Variants in SNRPN observed in about 807,000 individuals in gnomAD.
The protein encoded by SNRPN is small nuclear ribonucleoprotein-associated protein N.
In SNRPN, 7 loss-of-function variants were observed where a neutral mutation model predicts 25.2. The ratio of observed to expected loss-of-function variants is 0.28; its 90% CI spans 0.16 to 0.52. The LOEUF (loss-of-function observed/expected upper bound fraction) is 0.52, where lower values mean the gene tolerates loss of function less well. Among genes scored for constraint, SNRPN ranks in the 20% least tolerant of loss-of-function variants. SNRPN has a pLI of 0.96. For missense variants in SNRPN, 196 were observed against 322.5 expected, an observed-to-expected ratio of 0.61 and a Z score of 3.00; for synonymous variants, 124 against 110.6, an observed-to-expected ratio of 1.12 and a Z score of -0.76.
chr15:24,892,264 T>A (rs144151004), intron 2 of SNRPN, among the ~76,000 whole-genome samples: 206 of 152,276 alleles, frequency 1.4e-3, no homozygotes, highest in African/African-American at 4.8e-3. Context: ...CAGGGTGGAC[T>A]AAAGTTTAAG....
intron 2 of SNRPN, among the ~76,000 whole-genome samples, chr15:24,893,845 G>C (rs905591932): frequency 6.6e-6 from 1 of 151,714 alleles, no homozygotes; most frequent in Admixed American, 6.6e-5. Context: ...TTACGTGTCT[G>C]ACATGACAAA....
chr15:24,953,861 C>T (rs1323640143), upstream of SNRPN, among the ~76,000 whole-genome samples: 1 of 152,094 alleles, frequency 6.6e-6, no homozygotes, highest in Non-Finnish European at 1.5e-5. Flanking sequence ...GAACATTACA[C>T]AGTTTCTGAG....
intron 3 of SNRPN, among the ~76,000 whole-genome samples, chr15:24,940,265 G>A (rs2061473141): frequency 6.6e-6 from 1 of 152,098 alleles, no homozygotes; most frequent in Admixed American, 6.6e-5. Context: ...TTAGCTTTTG[G>A]TGTTGTAGTC....
Position 24,967,983 on chromosome 15 carries a change from T to C in SNRPN, c.-243T>C. 6.2e-7 allele frequency: 1 copy of C among 1,614,080 alleles called. No individual in the cohort carries two copies. The highest frequency in any genetic ancestry group is 8.5e-7 in the Non-Finnish European group (1 of 1,180,004). On this transcript the variant is annotated 5_prime_UTR_variant, in exon 3 of 10. Coordinates refer to ENST00000390687, the MANE Select transcript of SNRPN (RefSeq NM_003097.6). Reference sequence around the variant, plus strand: ...AGCAGCAGCAAGTACCTGTGGTGGATTTCCAGGCTGAACTGAGGCAGGCAT... The same window carrying C: ...AGCAGCAGCAAGTACCTGTGGTGGACTTCCAGGCTGAACTGAGGCAGGCAT...
intron 2 of SNRPN, among the ~76,000 whole-genome samples, chr15:24,841,421 G>A (rs2051696963): frequency 6.6e-6 from 1 of 152,114 alleles, no homozygotes; most frequent in Non-Finnish European, 1.5e-5. Context: ...CATAAGCATT[G>A]TGTGCAGATA....
chr15:24,959,087 G>A (rs2074357169), intron 1 of SNRPN, among the ~76,000 whole-genome samples: 1 of 152,100 alleles, frequency 6.6e-6, no homozygotes, highest in South Asian at 2.1e-4. Context: ...AATAAAATTG[G>A]GATTCCATTG....
chr15:24,944,630 A>G (rs1566938241), intron 3 of SNRPN, among the ~76,000 whole-genome samples: 1 of 152,184 alleles, frequency 6.6e-6, no homozygotes. Flanking sequence ...TCAGAAACCA[A>G]CCCCAGAACT....
intron 3 of SNRPN, among the ~76,000 whole-genome samples, chr15:24,930,112 C>T (rs2060705645): frequency 6.6e-6 from 1 of 151,192 alleles, no homozygotes; most frequent in Non-Finnish European, 1.5e-5. Context: ...CCACTGCACT[C>T]CAGCCTGGGT....
At chr15:24,902,840 G>C (rs2151587603) in intron 2 of SNRPN, among the ~76,000 whole-genome samples, 1 of 152,338 alleles carries the variant, frequency 6.6e-6, no homozygotes, top group African/African-American at 2.4e-5. Context: ...GTGAGCAGCA[G>C]CAAGATTTAT....
At chr15:24,892,897 C>T (rs892574200) in intron 2 of SNRPN, among the ~76,000 whole-genome samples, 1 of 151,636 alleles carries the variant, frequency 6.6e-6, no homozygotes, top group Admixed American at 6.6e-5. Flanking sequence ...AAGGAGAGAA[C>T]AGAGAGGACT....
At chr15:24,879,381 G>A (rs998032670) in intron 1 of SNRPN, among the ~76,000 whole-genome samples, 9 of 151,090 alleles carry the variant, frequency 6.0e-5, no homozygotes, top group Non-Finnish European at 4.4e-5. Flanking sequence ...TGGTTGCAGT[G>A]AGCCGAGATC....
At chr15:24,939,132 A>T (rs1190919000) in intron 3 of SNRPN, among the ~76,000 whole-genome samples, 1 of 151,886 alleles carries the variant, frequency 6.6e-6, no homozygotes, top group Non-Finnish European at 1.5e-5. Flanking sequence ...CTTCTGTTGC[A>T]TTTTTTTTAG....
intron 2 of SNRPN, among the ~76,000 whole-genome samples, chr15:24,835,556 C>T (rs986839744): frequency 2.0e-5 from 3 of 152,036 alleles, no homozygotes; most frequent in African/African-American, 7.3e-5. Flanking sequence ...TTTAGGAATA[C>T]TAAAATTCAG....
chr15:24,905,844 A>G (rs569016355), intron 2 of SNRPN, among the ~76,000 whole-genome samples: 2 of 152,312 alleles, frequency 1.3e-5, no homozygotes, highest in Admixed American at 1.3e-4. Flanking sequence ...TTCCTAGTTT[A>G]CAGTTTGTAT....
chr15:24,963,846 G>C (rs951965623), intron 2 of SNRPN, among the ~76,000 whole-genome samples: 1 of 151,896 alleles, frequency 6.6e-6, no homozygotes, highest in Non-Finnish European at 1.5e-5. Flanking sequence ...ACCAGCCTGG[G>C]CAACATAGAG....
chr15:24,863,060 C>T (rs1287519182), intron 1 of SNRPN, among the ~76,000 whole-genome samples: 2 of 150,574 alleles, frequency 1.3e-5, no homozygotes, highest in African/African-American at 5.0e-5. Context: ...AAGTGTTACT[C>T]ACAATCCATG....
At chr15:24,939,264 A>T (rs927127604) in intron 3 of SNRPN, among the ~76,000 whole-genome samples, 1 of 152,142 alleles carries the variant, frequency 6.6e-6, no homozygotes, top group African/African-American at 2.4e-5. Flanking sequence ...TGTGTTTTAT[A>T]GTAGCCATCC....
At chr15:24,879,276 A>T (rs2056348719) in intron 1 of SNRPN, among the ~76,000 whole-genome samples, 1 of 151,978 alleles carries the variant, frequency 6.6e-6, no homozygotes, top group Non-Finnish European at 1.5e-5. Flanking sequence ...CTCTACTAAA[A>T]TACAAAAGAA....
At chr15:24,858,815 C>T (rs1268627020) in intron 1 of SNRPN, among the ~76,000 whole-genome samples, 2 of 151,998 alleles carry the variant, frequency 1.3e-5, no homozygotes, top group African/African-American at 4.8e-5. Context: ...GATGAGGCTT[C>T]TCTTCAAATA....
Sources: allele counts gnomAD v4.1 joint callset (sites outside exome capture counted in the v4.1 genomes callset), GRCh38; gene constraint gnomAD v4.1.1; transcripts MANE v1.5; gene names NCBI Gene and HGNC (gene_info 2026-07-23, HGNC 2026-07-21).